The following PDE10A variants were observed in gnomAD, a reference collection of about 807,000 sequenced individuals.
The protein encoded by PDE10A is phosphodiesterase 10A, also known as cAMP and cAMP-inhibited cGMP 3',5'-cyclic phosphodiesterase 10A.
In PDE10A, 39 loss-of-function variants were observed where a neutral mutation model predicts 97.7. The ratio of observed to expected loss-of-function variants is 0.40; its 90% CI spans 0.31 to 0.52. PDE10A has a LOEUF of 0.52. Ranked by LOEUF, PDE10A falls within the 20% of genes least tolerant of loss-of-function variation. PDE10A has a pLI of 0.56. For missense variants in PDE10A, 731 were observed against 1,047.8 expected, an observed-to-expected ratio of 0.70 and a Z score of 4.17; for synonymous variants, 371 against 376.8, an observed-to-expected ratio of 0.98 and a Z score of 0.18.
chr6:165,744,686 C>T (rs887350118), intron 1 of PDE10A, among the ~76,000 whole-genome samples: 2 of 152,024 alleles, frequency 1.3e-5, no homozygotes, highest in African/African-American at 4.8e-5. Context: ...CACAGAAGTA[C>T]TGTTTTGACG....
At chr6:165,879,420 G>A (rs534928982) in intron 1 of PDE10A, among the ~76,000 whole-genome samples, 4 of 152,288 alleles carry the variant, frequency 2.6e-5, no homozygotes, top group South Asian at 2.1e-4. Flanking sequence ...GTCTGTTGTC[G>A]CCTGACTGTC....
At position 165,855,037 on chromosome 6, in the gene PDE10A, G is replaced by A. The variant is rs1014744454; in HGVS notation, c.-615+132492C>T. 3.5e-5 allele frequency among the ~76,000 whole-genome samples: 5 copies of A among 142,798 alleles called. No individual in the cohort carries two copies. In the East Asian group the frequency reaches 7.9e-4, roughly 23 times the overall value. The allele number at this position is 142,798 out of a possible 152,430, so 93.7% of individuals were successfully genotyped here. On this transcript the variant is annotated intron_variant, in intron 1 of 19. Transcript: ENST00000366882. ...TGAATGAATGAATGAATGAATGCAT[G>A]AATGAATGAAGAGGGAAGGAGGACG...
rs572250849 is a variant in PDE10A, at chr6:165,853,232, A to G, written c.-615+134297T>C. 7.9e-5 allele frequency among the ~76,000 whole-genome samples: 12 copies of G among 152,224 alleles called. No individual in the cohort carries two copies. In the South Asian group the frequency reaches 1.7e-3, roughly 21 times the overall value. ...GGTTCTCATGGTTGCTTTTCTTTTCATGTAAAACTAGCCATTTCACATTGG... is the reference window on the plus strand; with the variant it reads ...GGTTCTCATGGTTGCTTTTCTTTTCGTGTAAAACTAGCCATTTCACATTGG... On this transcript the variant is annotated intron_variant, in intron 1 of 19. Transcript: ENST00000366882.
chr6:165,500,470 T>G (rs1188184772), intron 2 of PDE10A, among the ~76,000 whole-genome samples: 2 of 152,226 alleles, frequency 1.3e-5, no homozygotes, highest in Admixed American at 1.3e-4. Flanking sequence ...GATTTAGGGC[T>G]ATGCAGGATG....
At chr6:165,510,928 C>A (rs1458341759) in intron 2 of PDE10A, among the ~76,000 whole-genome samples, 2 of 151,766 alleles carry the variant, frequency 1.3e-5, no homozygotes, top group African/African-American at 2.4e-5. Flanking sequence ...CTTAGTCTAA[C>A]TAATGGTTTA....
chr6:165,458,529 C>T (rs568830245), intron 3 of PDE10A, among the ~76,000 whole-genome samples: 1 of 152,242 alleles, frequency 6.6e-6, no homozygotes, highest in Admixed American at 6.5e-5. Context: ...TTTATTACGC[C>T]ACCAGTCTAT....
chr6:165,336,375 A>C (rs1435099719), intron 20 of PDE10A, among the ~76,000 whole-genome samples, 164 bp from the exon 21 acceptor site: 1 of 152,256 alleles, frequency 6.6e-6, no homozygotes, highest in African/African-American at 2.4e-5. Context: ...ATACTATTAT[A>C]GACTGTATTT....
chr6:165,730,763 A>AAAC (rs1792413288), intron 1 of PDE10A, among the ~76,000 whole-genome samples: 1 of 140,494 alleles, frequency 7.1e-6, no homozygotes. Flanking sequence ...AAAAAAAAAA[A>AAAC]ATCCGGGCCC....
At chr6:165,335,572 C>T (rs1310212197) in intron 21 of PDE10A, among the ~76,000 whole-genome samples, 1 of 152,102 alleles carries the variant, frequency 6.6e-6, no homozygotes, top group East Asian at 1.9e-4. Context: ...CTCCATGTCT[C>T]ACTTAGCAGA....
rs142426766 is a variant in PDE10A at position 165,560,322 on chromosome 6, T to TA, written c.866-16755dup. On this transcript the variant is annotated intron_variant, in intron 1 of 21. Transcript: ENST00000539869. Reference sequence around the variant, plus strand: ...AAAGAGACCTCAAGCTCACAGCCAGTAAGAAAAGGGGACCTTCAGTCCTAC... The same window carrying TA: ...AAAGAGACCTCAAGCTCACAGCCAGTAAAGAAAAGGGGACCTTCAGTCCTAC... Among the ~76,000 whole-genome samples, 1,396 of 152,250 alleles carry TA rather than the reference T, an allele frequency of 9.2e-3. 25 individuals are homozygous for TA. The highest frequency in any genetic ancestry group is 0.033 in the African/African-American group (1,362 of 41,554).
chr6:165,342,341 C>T (rs1782022684), intron 19 of PDE10A, among the ~76,000 whole-genome samples: 1 of 152,200 alleles, frequency 6.6e-6, no homozygotes, highest in Admixed American at 6.5e-5. Flanking sequence ...ATCAATCTTC[C>T]TACTTGAGTC....
At chr6:165,849,104 C>T (rs1431263694) in intron 1 of PDE10A, among the ~76,000 whole-genome samples, 1 of 152,204 alleles carries the variant, frequency 6.6e-6, no homozygotes, top group Non-Finnish European at 1.5e-5. Flanking sequence ...TTGATTTTAA[C>T]TCAGAAATTC....
At chr6:165,700,495 C>A (rs9364812) in intron 1 of PDE10A, among the ~76,000 whole-genome samples, 6,515 of 152,100 alleles carry the variant, frequency 0.043, 300 homozygotes, top group East Asian at 0.21. Context: ...ATCTTTTTTT[C>A]AAAAATGATC....
intron 1 of PDE10A, among the ~76,000 whole-genome samples, chr6:165,972,703 C>A (rs529099684): frequency 6.6e-6 from 1 of 152,240 alleles, no homozygotes; most frequent in South Asian, 2.1e-4. Context: ...CTTTAAGGGA[C>A]AACCCTTCAT....
At chr6:165,813,546 C>T (rs1403565172) in intron 1 of PDE10A, among the ~76,000 whole-genome samples, 1 of 152,200 alleles carries the variant, frequency 6.6e-6, no homozygotes, top group Non-Finnish European at 1.5e-5. Context: ...TCAGCCCACA[C>T]TCACAGTAGT....
intron 2 of PDE10A, among the ~76,000 whole-genome samples, chr6:165,524,794 T>G (rs1782332738): frequency 6.6e-6 from 1 of 152,098 alleles, no homozygotes; most frequent in South Asian, 2.1e-4. Context: ...GCTGTTAAAG[T>G]GAGGGCATTG....
At position 165,500,983 on chromosome 6, in the gene PDE10A, CAT is replaced by C. The variant is rs556405400; in HGVS notation, c.995-18642_995-18641del. Among the ~76,000 whole-genome samples the C allele has an allele frequency of 2.7e-4, 41 of 152,208 alleles. 1 individual carries two copies. The South Asian group carries it at 8.1e-3, about 30-fold the overall frequency. ...TTTATGACACAGAGACCTTTGTTCA[CAT>C]GTCTTCCTGCTGACCCTCTCCCCAC... On this transcript the variant is annotated intron_variant, in intron 2 of 21. Coordinates refer to ENST00000539869, the MANE Select transcript of PDE10A (RefSeq NM_001385079.1).
intron 4 of PDE10A, 73 bp downstream of exon 4, chr6:165,450,165 TAGTA>T: frequency 1.1e-6 from 1 of 912,682 alleles, no homozygotes; most frequent in South Asian, 2.3e-5. Flanking sequence ...ATCTGCCTCT[TAGTA>T]AGTAGTTTTT....
intron 1 of PDE10A, among the ~76,000 whole-genome samples, chr6:165,777,506 G>T (rs1360658700): frequency 1.3e-5 from 2 of 150,920 alleles, no homozygotes; most frequent in Non-Finnish European, 2.9e-5. Flanking sequence ...GTCAGTAGTG[G>T]CCCATCTCTA....
Sources: allele counts gnomAD v4.1 joint callset (sites outside exome capture counted in the v4.1 genomes callset), GRCh38; gene constraint gnomAD v4.1.1; transcripts MANE v1.5; gene names NCBI Gene and HGNC (gene_info 2026-07-23, HGNC 2026-07-21).